Variants in GNL1 observed in about 807,000 individuals in gnomAD.
GNL1 encodes guanine nucleotide-binding protein-like 1.
In GNL1, 21 loss-of-function variants were observed where a neutral mutation model predicts 75.2. The observed-to-expected ratio is 0.28, with a 90% CI of 0.20 to 0.40. GNL1 has a LOEUF of 0.40. Ranked by LOEUF, GNL1 falls within the 10% of genes least tolerant of loss-of-function variation. The probability of loss-of-function intolerance (pLI) is 1.00; values close to 1 mark genes in which losing one functional copy is unlikely to be tolerated. For synonymous variants in GNL1, 287 were observed against 303.4 expected, an observed-to-expected ratio of 0.95 and a Z score of 0.56; for missense variants, 579 against 775.0, an observed-to-expected ratio of 0.75 and a Z score of 3.00.
Position 30,554,644 on chromosome 6 carries a change from T to A in GNL1, c.531A>T (p.Thr177=). The stretch of plus-strand genomic sequence containing the variant: ...CTAACACCCGCCACAGCTGCCTCCA[T>A]GTCTAAAAAGACAGGATCAGGAAGA... The part of the protein sequence containing the change: ...KLSYFEHNLE[T]WRQLWRVLEM... The change falls in exon 5 of 12, where the codon ACA becomes ACT. Residue 177 remains threonine, a splice_region_variant and synonymous_variant. Coordinates refer to ENST00000376621, the MANE Select transcript of GNL1 (RefSeq NM_005275.5). 6.2e-7 allele frequency: 1 copy of A among 1,607,002 alleles called. No individual in the cohort carries two copies. The highest frequency in any genetic ancestry group is 1.1e-5 in the South Asian group (1 of 90,964).
Position 30,556,266 on chromosome 6 carries a change from C to A in GNL1, c.-63G>T, listed in dbSNP as rs571818598. On this transcript the variant is annotated 5_prime_UTR_variant, in exon 1 of 12. Transcript: ENST00000376621. This position sits in a 1 kb window ranked among gnomAD's most constrained non-coding sequence, Gnocchi z 5.7. ...TCCCGCCGCCTCAACTGACTGCCCCCCGGGGCAGCCCCCGCCGCAGGGGCC... is the reference window on the plus strand; with the variant it reads ...TCCCGCCGCCTCAACTGACTGCCCCACGGGGCAGCCCCCGCCGCAGGGGCC... The A allele has an allele frequency of 4.5e-6, 7 of 1,560,064 alleles. No homozygotes were observed. The African/African-American group carries it at 8.1e-5, about 18-fold the overall frequency.
chr6:30,554,782 G>A lies in GNL1; in HGVS notation c.510C>T (p.Tyr170=), dbSNP rs1186390616. The change falls in exon 4 of 12, where the codon TAC becomes TAT. Residue 170 remains tyrosine, a synonymous_variant. Transcript: ENST00000376621. ...CTGTCACCTCCAGATTGTGCTCAAA[G>A]TAGCTGAGTTTCTCAGAGGAGTAAG... ...HGAYSSEKLS[Y]FEHNLETWRQ... 5.0e-6 allele frequency: 8 copies of A among 1,612,980 alleles called. No individual in the cohort carries two copies. Among genetic ancestry groups the A allele is most frequent in the Admixed American group, 1.7e-5 (1 of 60,022 alleles).
rs1799266182 is a variant in GNL1 at position 30,543,200 on chromosome 6, T to A, written c.*2872A>T. On this transcript the variant is annotated 3_prime_UTR_variant, in exon 12 of 12. Coordinates refer to ENST00000376621, the MANE Select transcript of GNL1 (RefSeq NM_005275.5). ...GACTACTGATTTTTTGTGTTTGTTT[T>A]GTTTTGGCAGTCTGACATAACTTTA... The A allele has an allele frequency of 6.6e-6, 1 of 152,286 alleles. No homozygotes were observed. Among genetic ancestry groups the A allele is most frequent in the Admixed American group, 6.5e-5 (1 of 15,274 alleles). 9.4% of individuals were successfully genotyped at this position (152,286 alleles called of 1,614,324 possible).
In GNL1 at chr6:30,555,629, A is replaced by C. The variant is rs1800108471; in HGVS notation, c.165T>G (p.Ser55=). Residue 55 remains serine (S), a synonymous_variant, in exon 2 of 12, where the codon TCT becomes TCG. Coordinates refer to ENST00000376621, the MANE Select transcript of GNL1 (RefSeq NM_005275.5). The surrounding 1 kb of genome is among the most constrained non-coding windows in gnomAD (Gnocchi z 4.3). The part of the protein sequence containing the change: ...EEQTDTSDGE[S]VTHHIRRLNQ... ...TAAGCCTGCGGATATGATGGGTCACAGACTCCCCGTCCGAGGTGTCGGTCT... is the reference window on the plus strand; with the variant it reads ...TAAGCCTGCGGATATGATGGGTCACCGACTCCCCGTCCGAGGTGTCGGTCT... 1.3e-5 allele frequency: 21 copies of C among 1,614,072 alleles called. No individual in the cohort carries two copies. Among genetic ancestry groups the C allele is most frequent in the Non-Finnish European group, 1.8e-5 (21 of 1,179,966 alleles).
At position 30,555,725 on chromosome 6, in the gene GNL1, G is replaced by C. The variant is rs373651955; in HGVS notation, c.74-5C>G. 1.2e-5 allele frequency: 19 copies of C among 1,612,800 alleles called. No homozygotes were observed. The highest frequency in any genetic ancestry group is 1.5e-5 in the Non-Finnish European group (18 of 1,179,712). ...AGCGCAGCCCATCTTGAAGCCCTGC[G>C]GGGAGGGGCCGGTGACGCCAGTGCT... On this transcript the variant is annotated splice_region_variant and splice_polypyrimidine_tract_variant and intron_variant, in intron 1 of 11. Transcript: ENST00000376621. The surrounding 1 kb of genome is among the most constrained non-coding windows in gnomAD (Gnocchi z 4.3).
At chr6:30,549,123 G>A (rs994838918) in intron 8 of GNL1, among the ~76,000 whole-genome samples, 2 of 152,060 alleles carry the variant, frequency 1.3e-5, no homozygotes, top group Non-Finnish European at 1.5e-5. Flanking sequence ...TCAACCTCCT[G>A]AGTAGCTGAG....
rs1799585861 is a variant in GNL1 at position 30,548,698 on chromosome 6, T to C, written c.1100-1168A>G. On this transcript the variant is annotated intron_variant, in intron 8 of 11. Transcript: ENST00000376621. This position sits in a 1 kb window ranked among gnomAD's most constrained non-coding sequence, Gnocchi z 4.2. ...AGCACTGCTCCTGGGCAGCTGACTG[T>C]GGCTAAGAAAAGATGTACCACTGTG... Among the ~76,000 whole-genome samples, 1 of 152,086 alleles carries C rather than the reference T, an allele frequency of 6.6e-6. No homozygotes were observed. The highest frequency in any genetic ancestry group is 1.5e-5 in the Non-Finnish European group (1 of 68,014).
In GNL1 at chr6:30,555,961, C is replaced by T. The variant is rs904485152; in HGVS notation, c.73+170G>A. On this transcript the variant is annotated intron_variant, in intron 1 of 11. Coordinates refer to ENST00000376621, the MANE Select transcript of GNL1 (RefSeq NM_005275.5). The surrounding 1 kb of genome is among the most constrained non-coding windows in gnomAD (Gnocchi z 4.3). The stretch of plus-strand genomic sequence containing the variant: ...CCTCCCCCAACTCTCCATCCTTCCC[C>T]ACCCCTTCCAGATGTAGGGGGGGTG... 8.3e-5 allele frequency: 75 copies of T among 900,062 alleles called. No homozygotes were observed. The highest frequency in any genetic ancestry group is 6.8e-4 in the Middle Eastern group (3 of 4,420). The allele number at this position is 900,062 out of a possible 1,614,324, so 55.8% of individuals were successfully genotyped here. A position where few individuals can be genotyped will look rare whatever the true frequency, so the allele number is the denominator to read the frequency against.
In GNL1 at chr6:30,546,278, C is replaced by A; in HGVS notation, c.1618G>T (p.Val540Leu). ...WESHPETTELVVLQGRVGPAG... is the reference protein window; with the variant it reads ...WESHPETTELLVLQGRVGPAG... ...GGCCCCACCCTGCCCTGCAAAACCA[C>A]CAGCTCCGTGGTCTCTGGATGGGAC... Residue 540 changes from valine (V) to leucine (L), a missense_variant, in exon 12 of 12, where the codon GTG becomes TTG. By Grantham distance (32) the Val-to-Leu change is conservative. Transcript: ENST00000376621. The surrounding 1 kb of genome is among the most constrained non-coding windows in gnomAD (Gnocchi z 5.1). 2 of 1,596,224 alleles carry A rather than the reference C, an allele frequency of 1.3e-6. No individual in the cohort carries two copies. Among genetic ancestry groups the A allele is most frequent in the Non-Finnish European group, 1.7e-6 (2 of 1,172,108 alleles).
chr6:30,556,140 G>T lies in GNL1; in HGVS notation c.64C>A (p.Arg22=). 1.2e-6 allele frequency: 2 copies of T among 1,602,296 alleles called. No homozygotes were observed. The highest frequency in any genetic ancestry group is 8.5e-7 in the Non-Finnish European group (1 of 1,177,320). Residue 22 remains arginine, a synonymous_variant, in exon 1 of 12, where the codon CGG becomes AGG. Coordinates refer to ENST00000376621, the MANE Select transcript of GNL1 (RefSeq NM_005275.5). The surrounding 1 kb of genome is among the most constrained non-coding windows in gnomAD (Gnocchi z 5.7). ...CCGCTCCCGCACTGACCTCTCTTCC[G>T]CTCCCGTTTGTCCTGCAACTGCTTC... ...KKKQLQDKRE[R]KRGLQDGLRS... is the part of the protein sequence containing the mutation.
chr6:30,546,420 G>A lies in GNL1; in HGVS notation c.1583-107C>T. 1 of 740,794 alleles carries A rather than the reference G, an allele frequency of 1.3e-6. No individual in the cohort carries two copies. The highest frequency in any genetic ancestry group is 2.3e-6 in the Non-Finnish European group (1 of 442,062). 45.9% of individuals were successfully genotyped at this position (740,794 alleles called of 1,614,324 possible). A position where few individuals can be genotyped will look rare whatever the true frequency, so the allele number is the denominator to read the frequency against. On this transcript the variant is annotated intron_variant, in intron 11 of 11. Coordinates refer to ENST00000376621, the MANE Select transcript of GNL1 (RefSeq NM_005275.5). The surrounding 1 kb of genome is among the most constrained non-coding windows in gnomAD (Gnocchi z 5.1). ...ACTAGGAATAACAATAATCTTTAGA[G>A]CTGCTGGCATTCATTCATTCATCCA... is the stretch of plus-strand genomic sequence containing the variant.
In GNL1 at chr6:30,554,612, G is replaced by A; in HGVS notation, c.563C>T (p.Ser188Phe). 1 of 1,607,454 alleles carries A rather than the reference G, an allele frequency of 6.2e-7. No individual in the cohort carries two copies. The highest frequency in any genetic ancestry group is 1.1e-5 in the South Asian group (1 of 90,930). Residue 188 changes from serine (S) to phenylalanine (F), a missense_variant, in exon 5 of 12, where the codon TCT becomes TTT. Ser to Phe is a radical substitution (Grantham distance 155, BLOSUM62 -2). Coordinates refer to ENST00000376621, the MANE Select transcript of GNL1 (RefSeq NM_005275.5). ...WRQLWRVLEMSDIVLLITDIR... is the reference protein window; with the variant it reads ...WRQLWRVLEMFDIVLLITDIR... Reference sequence around the variant, plus strand: ...ATCAGTGATAAGCAGGACGATGTCAGACATCTCTAACACCCGCCACAGCTG... The same window carrying A: ...ATCAGTGATAAGCAGGACGATGTCAAACATCTCTAACACCCGCCACAGCTG...
chr6:30,556,305 G>A lies in GNL1; in HGVS notation c.-102C>T. On this transcript the variant is annotated 5_prime_UTR_variant, in exon 1 of 12. Coordinates refer to ENST00000376621, the MANE Select transcript of GNL1 (RefSeq NM_005275.5). The surrounding 1 kb of genome is among the most constrained non-coding windows in gnomAD (Gnocchi z 5.7). ...GCCGCAGGGGCCCGGGACCCTAGAGGAGGCGGGGCTAGCAGGTGACGTCAG... is the reference window on the plus strand; with the variant it reads ...GCCGCAGGGGCCCGGGACCCTAGAGAAGGCGGGGCTAGCAGGTGACGTCAG... The A allele has an allele frequency of 7.3e-7, 1 of 1,379,266 alleles. No homozygotes were observed. The highest frequency in any genetic ancestry group is 1.0e-6 in the Non-Finnish European group (1 of 990,232). The allele number at this position is 1,379,266 out of a possible 1,614,324, so 85.4% of individuals were successfully genotyped here.
At position 30,548,616 on chromosome 6, in the gene GNL1, C is replaced by T. The variant is rs529611007; in HGVS notation, c.1100-1086G>A. ...GGAACTCCCTGGTCCCACTTCTCCCCTCTATCTTACTCACCTGGCAAAATC... is the reference window on the plus strand; with the variant it reads ...GGAACTCCCTGGTCCCACTTCTCCCTTCTATCTTACTCACCTGGCAAAATC... On this transcript the variant is annotated intron_variant, in intron 8 of 11. Coordinates refer to ENST00000376621, the MANE Select transcript of GNL1 (RefSeq NM_005275.5). The surrounding 1 kb of genome is among the most constrained non-coding windows in gnomAD (Gnocchi z 4.2). Among the ~76,000 whole-genome samples, 42 of 152,170 alleles carry T rather than the reference C, an allele frequency of 2.8e-4. No individual in the cohort carries two copies. Among genetic ancestry groups the T allele is most frequent in the African/African-American group, 9.4e-4 (39 of 41,426 alleles).
In GNL1 at chr6:30,546,662, G is replaced by A. The variant is rs893189491; in HGVS notation, c.1582+34C>T. ...CCCACACCCTTTTACCTACGCTATA[G>A]CAGGGGGCTGGGGAAGAATATCTGG... On this transcript the variant is annotated intron_variant, in intron 11 of 11. Transcript: ENST00000376621. The surrounding 1 kb of genome is among the most constrained non-coding windows in gnomAD (Gnocchi z 5.1). 2.6e-6 allele frequency: 4 copies of A among 1,561,424 alleles called. No homozygotes were observed. In the African/African-American group the frequency reaches 5.4e-5, roughly 21 times the overall value.
In GNL1 at chr6:30,547,490, C is replaced by A. The variant is rs1363488142; in HGVS notation, c.1140G>T (p.Leu380=). ...NVGKSSLING[L]VGRKVVSVSR... Reference sequence around the variant, plus strand: ...AGACACTCACGACTTTCCGCCCCACCAGCCCATTGATCAGCGAGGACTTTC... The same window carrying A: ...AGACACTCACGACTTTCCGCCCCACAAGCCCATTGATCAGCGAGGACTTTC... Residue 380 remains leucine, a synonymous_variant, in exon 9 of 12, where the codon CTG becomes CTT. Coordinates refer to ENST00000376621, the MANE Select transcript of GNL1 (RefSeq NM_005275.5). This position sits in a 1 kb window ranked among gnomAD's most constrained non-coding sequence, Gnocchi z 5.5. 1 of 1,612,522 alleles carries A rather than the reference C, an allele frequency of 6.2e-7. No individual in the cohort carries two copies. The highest frequency in any genetic ancestry group is 1.3e-5 in the African/African-American group (1 of 74,882).
rs750058733 is a variant in GNL1 at position 30,555,155 on chromosome 6, C to G, written c.276G>C (p.Glu92Asp). 2 of 1,613,034 alleles carry G rather than the reference C, an allele frequency of 1.2e-6. No individual in the cohort carries two copies. ...RLHFERDSREEVERRKRAARE... is the reference protein window; with the variant it reads ...RLHFERDSREDVERRKRAARE... ...GGGCTGCTCTCTTTCTCCTCTCTACCTCCTCCCTGCTGTCTCTCTCAAAAT... is the reference window on the plus strand; with the variant it reads ...GGGCTGCTCTCTTTCTCCTCTCTACGTCCTCCCTGCTGTCTCTCTCAAAAT... Residue 92 changes from glutamate to aspartate, a missense_variant, in exon 3 of 12, where the codon GAG becomes GAC. Physicochemically the swap from Glu to Asp is conservative, Grantham distance 45 (BLOSUM62 2). Coordinates refer to ENST00000376621, the MANE Select transcript of GNL1 (RefSeq NM_005275.5). This position sits in a 1 kb window ranked among gnomAD's most constrained non-coding sequence, Gnocchi z 4.3.
Position 30,553,426 on chromosome 6 carries a change from T to C in GNL1, c.732A>G (p.Gln244=). 2 of 1,612,884 alleles carry C rather than the reference T, an allele frequency of 1.2e-6. No homozygotes were observed. The highest frequency in any genetic ancestry group is 1.1e-5 in the South Asian group (1 of 91,076). Residue 244 remains glutamine, a synonymous_variant, in exon 6 of 12, where the codon CAA becomes CAG. Coordinates refer to ENST00000376621, the MANE Select transcript of GNL1 (RefSeq NM_005275.5). ...LVVAWKHYFH[Q]HYPQLHVVLF... is the part of the protein sequence containing the mutation. ...GGACGACGTGGAGCTGGGGATAGTG[T>C]TGATGGAAATAATGCTTCCAGGCAA...
chr6:30,547,009 A>G lies in GNL1; in HGVS notation c.1441+103T>C, dbSNP rs1799491398. 2.5e-6 allele frequency: 3 copies of G among 1,197,978 alleles called. No individual in the cohort carries two copies. The Admixed American group carries it at 5.2e-5, about 21-fold the overall frequency. The allele number at this position is 1,197,978 out of a possible 1,614,324, so 74.2% of individuals were successfully genotyped here. A position where few individuals can be genotyped will look rare whatever the true frequency, so the allele number is the denominator to read the frequency against. On this transcript the variant is annotated intron_variant, in intron 10 of 11. Coordinates refer to ENST00000376621, the MANE Select transcript of GNL1 (RefSeq NM_005275.5). This position sits in a 1 kb window ranked among gnomAD's most constrained non-coding sequence, Gnocchi z 5.5. ...TGGACAGCAGCTTCATCAATGGCAGAATCTCTGAGGAGAGGAAAGGAGACA... is the reference window on the plus strand; with the variant it reads ...TGGACAGCAGCTTCATCAATGGCAGGATCTCTGAGGAGAGGAAAGGAGACA...
Sources: allele counts gnomAD v4.1 joint callset (sites outside exome capture counted in the v4.1 genomes callset), GRCh38; gene constraint gnomAD v4.1.1; non-coding constraint Gnocchi (gnomAD v3.1); transcripts MANE v1.5; gene names NCBI Gene and HGNC (gene_info 2026-07-23, HGNC 2026-07-21).